Variants in COMMD2 observed in about 807,000 individuals in gnomAD.
COMMD2 encodes COMM domain containing 2, also known as COMM domain-containing protein 2.
In COMMD2, 25 loss-of-function variants were observed where a neutral mutation model predicts 22.5. The observed-to-expected ratio is 1.11, with a 90% CI of 0.81 to 1.55. The LOEUF is 1.55. COMMD2 is among the 40% of genes most tolerant of loss of function. The probability of loss-of-function intolerance (pLI) is 0.00; values close to 1 mark genes in which losing one functional copy is unlikely to be tolerated. For synonymous variants in COMMD2, 98 were observed against 91.2 expected (o/e 1.07, Z -0.42); for missense variants, 223 against 232.9 (o/e 0.96, Z 0.28).
intron 4 of COMMD2, chr3:149,750,342 AATTC>A (rs1216158855): frequency 9.3e-6 from 4 of 428,524 alleles, no homozygotes; most frequent in African/African-American, 4.1e-5. Context: ...ACCATGTGAT[AATTC>A]ATTGAGCGGT....
In COMMD2 at chr3:149,752,301, C is replaced by G. The variant is rs781465324; in HGVS notation, c.68-14G>C. The G allele has an allele frequency of 1.2e-6, 2 of 1,614,098 alleles. No homozygotes were observed. Among genetic ancestry groups the G allele is most frequent in the East Asian group, 4.5e-5 (2 of 44,886 alleles). On this transcript the variant is annotated splice_polypyrimidine_tract_variant and intron_variant, in intron 1 of 4. Transcript: ENST00000473414. The stretch of plus-strand genomic sequence containing the variant: ...ACTCGGCGACCACTGCAATGAAAGT[C>G]AGAAGGCTGTTGAGTGCCAGGCGCT...
intron 4 of COMMD2, among the ~76,000 whole-genome samples, chr3:149,742,538 A>T (rs971661480): frequency 1.3e-5 from 2 of 152,250 alleles, no homozygotes; most frequent in African/African-American, 2.4e-5. Flanking sequence ...TAAATGGCAG[A>T]GAAAAGAAAT....
chr3:149,741,708 C>T lies in COMMD2; in HGVS notation c.413G>A (p.Arg138Lys). The T allele has an allele frequency of 1.2e-6, 2 of 1,613,166 alleles. No individual in the cohort carries two copies. The highest frequency in any genetic ancestry group is 1.7e-6 in the Non-Finnish European group (2 of 1,179,286). Residue 138 changes from arginine to lysine, a missense_variant, in exon 5 of 5, where the codon AGA becomes AAA. By Grantham distance (26) the Arg-to-Lys change is conservative. Coordinates refer to ENST00000473414, the MANE Select transcript of COMMD2 (RefSeq NM_016094.4). ...TGGTTTAATCTGTTGCCTGAGACTT[C>T]TACTTGCAAGCTTGATTTTAAATGA... ...EWRLDVQLAS[R>K]SLRQQIKPAV...
chr3:149,752,202 C>G lies in COMMD2; in HGVS notation c.145+8G>C. On this transcript the variant is annotated splice_region_variant and intron_variant, in intron 2 of 4. Coordinates refer to ENST00000473414, the MANE Select transcript of COMMD2 (RefSeq NM_016094.4). ...AAGCCTGCGGAGCCTTCCCCTTTCCCTTCTTACTGGCGGCGCCTTCGTAGA... is the reference window on the plus strand; with the variant it reads ...AAGCCTGCGGAGCCTTCCCCTTTCCGTTCTTACTGGCGGCGCCTTCGTAGA... 1 of 1,613,294 alleles carries G rather than the reference C, an allele frequency of 6.2e-7. No homozygotes were observed. Among genetic ancestry groups the G allele is most frequent in the African/African-American group, 1.3e-5 (1 of 75,028 alleles).
At chr3:149,750,200 T>C (rs1284085097) in intron 4 of COMMD2, 1 of 187,882 alleles carries the variant, frequency 5.3e-6, no homozygotes, top group South Asian at 9.3e-5. Flanking sequence ...ATTCCATATA[T>C]ACAAAGTTAA....
intron 4 of COMMD2, among the ~76,000 whole-genome samples, chr3:149,747,401 C>G (rs1365287883): frequency 6.6e-6 from 1 of 152,126 alleles, no homozygotes; most frequent in Non-Finnish European, 1.5e-5. Flanking sequence ...GAAAGAGGAG[C>G]CTGTGAAGTT....
chr3:149,750,613 A>G, intron 4 of COMMD2, 65 bp downstream of exon 4: 1 of 1,212,176 alleles, frequency 8.2e-7, no homozygotes, highest in South Asian at 1.7e-5. Flanking sequence ...AGAATACAAT[A>G]AACAGGACAC....
At chr3:149,746,372 G>A (rs778452163) in intron 4 of COMMD2, among the ~76,000 whole-genome samples, 2 of 152,142 alleles carry the variant, frequency 1.3e-5, no homozygotes, top group African/African-American at 4.8e-5. Flanking sequence ...AAGAATGTAC[G>A]TACTATCTGA....
chr3:149,747,799 T>C (rs1716420369), intron 4 of COMMD2, among the ~76,000 whole-genome samples: 1 of 151,908 alleles, frequency 6.6e-6, no homozygotes, highest in Non-Finnish European at 1.5e-5. Flanking sequence ...TAGCTAGGCA[T>C]GGTGGCACAT....
At chr3:149,749,141 A>C (rs370688187) in intron 4 of COMMD2, among the ~76,000 whole-genome samples, 6 of 152,100 alleles carry the variant, frequency 3.9e-5, no homozygotes, top group African/African-American at 1.4e-4. Context: ...CAGCCTCCCA[A>C]GTAGCTGGGA....
rs1219809163 is a variant in COMMD2 at position 149,752,403 on chromosome 3, G to A, written c.42C>T (p.Ala14=). 1.2e-6 allele frequency: 2 copies of A among 1,614,188 alleles called. No homozygotes were observed. Among genetic ancestry groups the A allele is most frequent in the African/African-American group, 1.3e-5 (1 of 75,062 alleles). ...CCGCGCTGTCCACTTGAGGCAGGAA[G>A]GCCAGGTGTTCCTTATGCTCCTCGG... The part of the protein sequence containing the change: ...ELSEEHKEHL[A]FLPQVDSAVV... Residue 14 remains alanine (A), a synonymous_variant, in exon 1 of 5, where the codon GCC becomes GCT. Transcript: ENST00000473414.
chr3:149,744,366 A>G (rs557650493), intron 4 of COMMD2, among the ~76,000 whole-genome samples: 4 of 152,310 alleles, frequency 2.6e-5, no homozygotes, highest in South Asian at 4.1e-4. Context: ...AGAGCAAACA[A>G]TATGTGGGCA....
chr3:149,742,020 A>C (rs1036317550), intron 4 of COMMD2, among the ~76,000 whole-genome samples: 3 of 152,158 alleles, frequency 2.0e-5, no homozygotes, highest in Non-Finnish European at 4.4e-5. Context: ...GTGAAAAAAC[A>C]AGTCATAAAC....
rs1285889385 is a variant in COMMD2 at position 149,741,241 on chromosome 3, T to C, written c.*280A>G. The C allele has an allele frequency of 1.7e-5, 5 of 295,958 alleles. No homozygotes were observed. Among genetic ancestry groups the C allele is most frequent in the Non-Finnish European group, 2.6e-5 (4 of 152,274 alleles). 18.3% of individuals were successfully genotyped at this position (295,958 alleles called of 1,614,324 possible). A position where few individuals can be genotyped will look rare whatever the true frequency, so the allele number is the denominator to read the frequency against. ...GCCACCACACCTGGCTAATTTTTTA[T>C]ATTTTTAGTAGAGATGGGGTTTCAC... On this transcript the variant is annotated 3_prime_UTR_variant, in exon 5 of 5. Transcript: ENST00000473414.
chr3:149,752,455 C>G lies in COMMD2; in HGVS notation c.-11G>C. 6.2e-7 allele frequency: 1 copy of G among 1,611,230 alleles called. No individual in the cohort carries two copies. The highest frequency in any genetic ancestry group is 8.5e-7 in the Non-Finnish European group (1 of 1,178,526). On this transcript the variant is annotated 5_prime_UTR_variant, in exon 1 of 5. Coordinates refer to ENST00000473414, the MANE Select transcript of COMMD2 (RefSeq NM_016094.4). ...CAATTCCAGCAGCATCTTCACTGTC[C>G]TACGATTTCACCCGGCAGCGCCGAC...
rs1716163832 is a variant in COMMD2, at chr3:149,739,851, A to C, written c.*1670T>G. On this transcript the variant is annotated 3_prime_UTR_variant, in exon 5 of 5. Transcript: ENST00000473414. ...ACATCTAATAATATAGTTGTTTCACAACGGCAGAATATATACCTACAGGAA... is the reference window on the plus strand; with the variant it reads ...ACATCTAATAATATAGTTGTTTCACCACGGCAGAATATATACCTACAGGAA... The C allele has an allele frequency of 2.0e-5, 3 of 152,192 alleles. No homozygotes were observed. The highest frequency in any genetic ancestry group is 2.0e-4 in the Admixed American group (3 of 15,262). The allele number at this position is 152,192 out of a possible 1,614,324, so 9.4% of individuals were successfully genotyped here. A position where few individuals can be genotyped will look rare whatever the true frequency, so the allele number is the denominator to read the frequency against.
At chr3:149,750,301 T>G (rs906956572) in intron 4 of COMMD2, 2 of 323,256 alleles carry the variant, frequency 6.2e-6, no homozygotes, top group Middle Eastern at 3.9e-4. Flanking sequence ...GCAAGGAGGA[T>G]GCTTCTGGGG....
intron 4 of COMMD2, among the ~76,000 whole-genome samples, chr3:149,743,757 T>C (rs1407988587): frequency 6.6e-6 from 1 of 152,174 alleles, no homozygotes; most frequent in Non-Finnish European, 1.5e-5. Flanking sequence ...TATATGATAA[T>C]TGAAAACAGT....
chr3:149,750,163 C>A, intron 4 of COMMD2: 1 of 171,372 alleles, frequency 5.8e-6, no homozygotes, highest in Non-Finnish European at 1.3e-5. Context: ...TGAGAGAAGC[C>A]AGGTACAAAA....
Sources: gnomAD v4.1 joint callset for allele counts (sites outside exome capture counted in the v4.1 genomes callset) on GRCh38, gnomAD v4.1.1 for gene constraint, MANE v1.5 for transcripts, NCBI Gene and HGNC (gene_info 2026-07-23, HGNC 2026-07-21) for gene names.